The following LRCH1 variants were observed in gnomAD, a reference collection of about 807,000 sequenced individuals.
LRCH1 encodes leucine-rich repeat and calponin homology domain-containing protein 1.
In LRCH1, 23 loss-of-function variants were observed where a neutral mutation model predicts 94.9. The observed-to-expected ratio is 0.24, with a 90% CI of 0.17 to 0.34. The LOEUF is 0.34. Ranked by LOEUF, LRCH1 falls within the 10% of genes least tolerant of loss-of-function variation. The pLI is 1.00. For missense variants in LRCH1, 790 were observed against 945.9 expected, an observed-to-expected ratio of 0.84 and a Z score of 2.16; for synonymous variants, 364 against 354.9, an observed-to-expected ratio of 1.03 and a Z score of -0.29.
At chr13:46,720,393 C>T (rs756518842) in intron 16 of LRCH1, among the ~76,000 whole-genome samples, 1 of 152,128 alleles carries the variant, frequency 6.6e-6, no homozygotes, top group Non-Finnish European at 1.5e-5. Flanking sequence ...TCTCTCCACC[C>T]GCCCCCCAAA....
intron 10 of LRCH1, among the ~76,000 whole-genome samples, chr13:46,699,607 G>A (rs1410115761): frequency 6.6e-6 from 1 of 152,154 alleles, no homozygotes; most frequent in Non-Finnish European, 1.5e-5. Context: ...CTCTTACTTG[G>A]CCTTGAGTCT....
At chr13:46,617,319 C>G (rs2050822022) in intron 1 of LRCH1, among the ~76,000 whole-genome samples, 1 of 152,180 alleles carries the variant, frequency 6.6e-6, no homozygotes, top group Non-Finnish European at 1.5e-5. Context: ...TGGTTGTCAT[C>G]CTGGACCAGT....
chr13:46,698,504 C>T (rs563257860), intron 9 of LRCH1, among the ~76,000 whole-genome samples: 32 of 152,166 alleles, frequency 2.1e-4, no homozygotes, highest in Admixed American at 1.2e-3. Context: ...ATGTTGTACA[C>T]GTGAAAACTA....
chr13:46,632,987 T>TA (rs1338242321), intron 1 of LRCH1, among the ~76,000 whole-genome samples: 1 of 152,240 alleles, frequency 6.6e-6, no homozygotes, highest in East Asian at 1.9e-4. Context: ...AGCTTCCAAA[T>TA]AGATCTGTTA....
Position 46,686,104 on chromosome 13 carries a change from A to G in LRCH1, c.822+63A>G, listed in dbSNP as rs958619439. The stretch of plus-strand genomic sequence containing the variant: ...TGTGCTGTTATAGGAGCCAAGGGAA[A>G]ATTTCCCCTTCACCCTCTGAAAGTT... On this transcript the variant is annotated intron_variant, in intron 5 of 19. Transcript: ENST00000389797. The G allele has an allele frequency of 4.4e-6, 6 of 1,370,678 alleles. No homozygotes were observed. In the South Asian group the frequency reaches 1.3e-4, roughly 30 times the overall value. The allele number at this position is 1,370,678 out of a possible 1,614,324, so 84.9% of individuals were successfully genotyped here.
intron 1 of LRCH1, among the ~76,000 whole-genome samples, chr13:46,593,283 C>CTTTTTTTTTTTTTTTTTTTTCT (rs34821427): frequency 6.5e-5 from 6 of 92,202 alleles, no homozygotes; most frequent in East Asian, 3.5e-4. Context: ...TCTTTCTTTC[C>CTTTTTTTTTTTTTTTTTTTTCT]TTTTTTTTTT....
chr13:46,629,270 C>T (rs1405782886), intron 1 of LRCH1, among the ~76,000 whole-genome samples: 1 of 151,860 alleles, frequency 6.6e-6, no homozygotes, highest in African/African-American at 2.4e-5. Flanking sequence ...TACCAAAGAA[C>T]ACTGATTGTC....
At chr13:46,700,880 G>A (rs1007000314) in intron 10 of LRCH1, among the ~76,000 whole-genome samples, 1 of 152,162 alleles carries the variant, frequency 6.6e-6, no homozygotes, top group Non-Finnish European at 1.5e-5. Context: ...GGGGTGCACA[G>A]GCATGAAAAT....
At chr13:46,631,821 T>C (rs573133788) in intron 1 of LRCH1, among the ~76,000 whole-genome samples, 105 of 152,318 alleles carry the variant, frequency 6.9e-4, no homozygotes, top group African/African-American at 2.4e-3. Context: ...TTAGCTGTGT[T>C]AGAGGTCAAA....
chr13:46,636,545 T>C (rs2051092648), intron 1 of LRCH1, among the ~76,000 whole-genome samples: 2 of 152,170 alleles, frequency 1.3e-5, no homozygotes, highest in Non-Finnish European at 2.9e-5. Flanking sequence ...ATACCTTCTA[T>C]CTCTGTAAAT....
rs575874794 is a variant in LRCH1 at position 46,558,572 on chromosome 13, CAAAAAA to C, written c.307+4890_307+4895del. On this transcript the variant is annotated intron_variant, in intron 1 of 19. Coordinates refer to ENST00000389797, the MANE Select transcript of LRCH1 (RefSeq NM_001164211.2). ...CCAAGACGGTGAAACCCTGTGTCTACAAAAAAAAAAAAAAAAAAAAAAAAAAGCTGG... is the reference window on the plus strand; with the variant it reads ...CCAAGACGGTGAAACCCTGTGTCTACAAAAAAAAAAAAAAAAAAAAGCTGG... 8.3e-3 allele frequency among the ~76,000 whole-genome samples: 284 copies of C among 34,396 alleles called. 3 individuals are homozygous for C. Among genetic ancestry groups the C allele is most frequent in the African/African-American group, 0.025 (250 of 9,882 alleles). The allele number at this position is 34,396 out of a possible 152,430, so 22.6% of individuals were successfully genotyped here. A position where few individuals can be genotyped will look rare whatever the true frequency, so the allele number is the denominator to read the frequency against.
At chr13:46,638,828 C>T (rs1206978854) in intron 1 of LRCH1, among the ~76,000 whole-genome samples, 2 of 152,164 alleles carry the variant, frequency 1.3e-5, no homozygotes, top group South Asian at 2.1e-4. Context: ...CATACGTGGA[C>T]GTGCTGTTTA....
intron 3 of LRCH1, among the ~76,000 whole-genome samples, chr13:46,675,725 A>G (rs4245340): frequency 0.57 from 86,286 of 151,922 alleles, 25,660 homozygotes; most frequent in Admixed American, 0.66. Context: ...TTGTCCATTC[A>G]TTGTCTCTGG....
At chr13:46,671,964 C>T (rs2051606584) in intron 3 of LRCH1, among the ~76,000 whole-genome samples, 1 of 152,182 alleles carries the variant, frequency 6.6e-6, no homozygotes, top group African/African-American at 2.4e-5. Context: ...TGTGTTCACT[C>T]TTGGTGTTGT....
At chr13:46,594,294 C>G (rs1169760444) in intron 1 of LRCH1, among the ~76,000 whole-genome samples, 2 of 150,658 alleles carry the variant, frequency 1.3e-5, no homozygotes, top group Non-Finnish European at 3.0e-5. Flanking sequence ...TAAACAGAGA[C>G]TGTAGTAAAT....
chr13:46,690,594 T>C (rs756196817), intron 7 of LRCH1, among the ~76,000 whole-genome samples: 15 of 152,206 alleles, frequency 9.9e-5, no homozygotes, highest in Admixed American at 1.3e-4. Flanking sequence ...TTCTGTGCCT[T>C]TTAATTAGAT....
chr13:46,749,478 ACT>A (rs746359841), downstream of LRCH1, among the ~76,000 whole-genome samples: 3 of 152,084 alleles, frequency 2.0e-5, no homozygotes, highest in South Asian at 2.1e-4. Flanking sequence ...TTGATAAAAG[ACT>A]CTATTTTAAG....
At chr13:46,648,252 G>C (rs1309279704) in intron 1 of LRCH1, among the ~76,000 whole-genome samples, 1 of 152,180 alleles carries the variant, frequency 6.6e-6, no homozygotes, top group African/African-American at 2.4e-5. Context: ...CAATGCCCCA[G>C]CTGATCTGAC....
chr13:46,681,037 T>C (rs999254925), intron 3 of LRCH1, among the ~76,000 whole-genome samples: 1 of 152,140 alleles, frequency 6.6e-6, no homozygotes, highest in African/African-American at 2.4e-5. Flanking sequence ...AGATTATAAA[T>C]GTCAAGGCCT....
Sources: gnomAD v4.1 joint callset for allele counts (sites outside exome capture counted in the v4.1 genomes callset) on GRCh38, gnomAD v4.1.1 for gene constraint, MANE v1.5 for transcripts, NCBI Gene and HGNC (gene_info 2026-07-23, HGNC 2026-07-21) for gene names.